Variants in FMO1 observed in about 807,000 individuals in gnomAD.
FMO1 encodes the protein flavin containing dimethylaniline monoxygenase 1, also known as flavin-containing monooxygenase 1.
Under a neutral mutation model 45.4 loss-of-function variants are expected in FMO1, and 36 were observed. The ratio of observed to expected loss-of-function variants is 0.79; its 90% CI spans 0.61 to 1.05. FMO1 has a LOEUF of 1.05. Among genes scored for constraint, FMO1 ranks in the 50% least tolerant of loss-of-function variants. The probability of loss-of-function intolerance (pLI) is 0.00; values close to 1 mark genes in which losing one functional copy is unlikely to be tolerated. For missense variants in FMO1, 615 were observed against 640.3 expected (o/e 0.96, Z 0.43); for synonymous variants, 228 against 227.2 (o/e 1.00, Z -0.03).
chr1:171,265,712 ATT>A (rs28360379), intron 2 of FMO1, among the ~76,000 whole-genome samples: 7 of 152,042 alleles, frequency 4.6e-5, no homozygotes, highest in African/African-American at 1.7e-4. Context: ...TTAAATACAC[ATT>A]TTTTTATATT....
At chr1:171,273,345 A>T (rs941656342) in intron 3 of FMO1, among the ~76,000 whole-genome samples, 1 of 152,182 alleles carries the variant, frequency 6.6e-6, no homozygotes. Context: ...TCCTAAACAG[A>T]TTTCCAAAGA....
intron 7 of FMO1, chr1:171,282,891 G>T: frequency 2.5e-6 from 1 of 395,174 alleles, no homozygotes. Flanking sequence ...ACAACATTCA[G>T]CCAAACTAGT....
chr1:171,269,880 G>A (rs1660774926), intron 3 of FMO1, among the ~76,000 whole-genome samples: 1 of 152,156 alleles, frequency 6.6e-6, no homozygotes, highest in South Asian at 2.1e-4. Flanking sequence ...TGTTTTAAAA[G>A]CTGGCCCAAT....
At chr1:171,281,088 G>A (rs1469298957) in intron 6 of FMO1, 103 bp downstream of exon 6, 2 of 868,308 alleles carry the variant, frequency 2.3e-6, no homozygotes, top group East Asian at 2.5e-5. Flanking sequence ...GGCTGAATGT[G>A]TGGGAACACT....
intron 3 of FMO1, chr1:171,271,265 A>G (rs181784337): frequency 5.0e-5 from 57 of 1,149,280 alleles, no homozygotes; most frequent in Admixed American, 1.0e-4. Context: ...TTTGGGTGAT[A>G]CTCAGAGCAG....
intron 1 of FMO1, among the ~76,000 whole-genome samples, chr1:171,251,287 C>G (rs1484291903): frequency 6.6e-6 from 1 of 152,122 alleles, no homozygotes. Context: ...CAGGACTCAG[C>G]AGGGAGCCTG....
chr1:171,252,541 C>G (rs28384823), intron 1 of FMO1, among the ~76,000 whole-genome samples: 206 of 152,368 alleles, frequency 1.4e-3, no homozygotes, highest in Middle Eastern at 3.4e-3. Flanking sequence ...TGTTCTGTCC[C>G]TGAGCCCTGT....
rs747180141 is a variant in FMO1 at position 171,258,097 on chromosome 1, C to A, written c.10C>A (p.Arg4=). The change falls in exon 2 of 9, where the codon CGA becomes AGA. Residue 4 remains arginine, a synonymous_variant. Coordinates refer to ENST00000617670, the MANE Select transcript of FMO1 (RefSeq NM_001282693.2). MAK[R]VAIVGAGVSG... ...CCTCATGCAGGAGAACATGGCCAAGCGAGTTGCCATTGTGGGAGCTGGGGT... is the reference window on the plus strand; with the variant it reads ...CCTCATGCAGGAGAACATGGCCAAGAGAGTTGCCATTGTGGGAGCTGGGGT... 1.9e-6 allele frequency: 3 copies of A among 1,613,974 alleles called. No individual in the cohort carries two copies. The highest frequency in any genetic ancestry group is 2.5e-6 in the Non-Finnish European group (3 of 1,180,004).
chr1:171,281,028 C>T lies in FMO1; in HGVS notation c.827+43C>T, dbSNP rs757415204. The T allele has an allele frequency of 9.1e-6, 14 of 1,538,570 alleles. No individual in the cohort carries two copies. The African/African-American group carries it at 9.6e-5, about 11-fold the overall frequency. ...GCCAAGGGCTTTTAGGAAGAAGGAGCCTCTGCCTGTCCAGCAGCCTATACA... is the reference window on the plus strand; with the variant it reads ...GCCAAGGGCTTTTAGGAAGAAGGAGTCTCTGCCTGTCCAGCAGCCTATACA... On this transcript the variant is annotated intron_variant, in intron 6 of 8. Transcript: ENST00000617670.
rs376365198 is a variant in FMO1, at chr1:171,280,956, T to C, written c.798T>C (p.His266=). Residue 266 remains histidine, a synonymous_variant, in exon 6 of 9, where the codon CAT becomes CAC. Coordinates refer to ENST00000617670, the MANE Select transcript of FMO1 (RefSeq NM_001282693.2). ...MERKINNWLN[H]ANYGLIPEDR... ...GAAAGATAAACAACTGGCTCAATCA[T>C]GCAAATTACGGCTTAATACCAGAAG... The C allele has an allele frequency of 6.2e-7, 1 of 1,613,810 alleles. No individual in the cohort carries two copies. Among genetic ancestry groups the C allele is most frequent in the Non-Finnish European group, 8.5e-7 (1 of 1,179,790 alleles).
At chr1:171,262,468 A>T (rs1389577161) in intron 2 of FMO1, among the ~76,000 whole-genome samples, 1 of 152,156 alleles carries the variant, frequency 6.6e-6, no homozygotes, top group African/African-American at 2.4e-5. Flanking sequence ...TATTTTCCTC[A>T]TGTGCATCCA....
chr1:171,281,445 G>A (rs1004536119), intron 6 of FMO1, among the ~76,000 whole-genome samples: 58 of 152,120 alleles, frequency 3.8e-4, no homozygotes, highest in African/African-American at 6.3e-4. Flanking sequence ...CCTTCTTCCC[G>A]TTGTCAAGAT....
At chr1:171,261,712 C>T (rs571564180) in intron 2 of FMO1, among the ~76,000 whole-genome samples, 1 of 151,972 alleles carries the variant, frequency 6.6e-6, no homozygotes, top group South Asian at 2.1e-4. Context: ...AACAAGACCC[C>T]GTTCCGTTCT....
At chr1:171,255,650 A>T (rs1183095281) in intron 1 of FMO1, among the ~76,000 whole-genome samples, 1 of 152,088 alleles carries the variant, frequency 6.6e-6, no homozygotes, top group Non-Finnish European at 1.5e-5. Flanking sequence ...GATAAACACT[A>T]CTAGCCTTTC....
Position 171,271,317 on chromosome 1 carries a change from A to G in FMO1, c.321+3586A>G, listed in dbSNP as rs535865031. ...AAGGAGGCCTCTTGGGTGCATTGGG[A>G]TCCTTGAACTTCTTTTTTGTCTCCC... On this transcript the variant is annotated intron_variant, in intron 3 of 8. Coordinates refer to ENST00000617670, the MANE Select transcript of FMO1 (RefSeq NM_001282693.2). The G allele has an allele frequency of 4.4e-5, 59 of 1,337,420 alleles. No individual in the cohort carries two copies. The East Asian group carries it at 1.0e-3, about 23-fold the overall frequency. 82.8% of individuals were successfully genotyped at this position (1,337,420 alleles called of 1,614,324 possible).
intron 3 of FMO1, among the ~76,000 whole-genome samples, chr1:171,269,370 G>A (rs1034060852): frequency 4.4e-4 from 67 of 152,120 alleles, no homozygotes; most frequent in African/African-American, 1.6e-3. Flanking sequence ...GAACAATAAA[G>A]TCCAGGCTGA....
chr1:171,257,852 T>C (rs1660222630), intron 1 of FMO1: 1 of 495,164 alleles, frequency 2.0e-6, no homozygotes, highest in South Asian at 2.0e-5. Context: ...TTGACAACTG[T>C]ACGAACATTT....
intron 2 of FMO1, among the ~76,000 whole-genome samples, chr1:171,263,308 G>A (rs900520880): frequency 3.9e-5 from 6 of 152,252 alleles, no homozygotes; most frequent in African/African-American, 7.2e-5. Flanking sequence ...GTAATATTGC[G>A]GTTCCAGCAT....
intron 3 of FMO1, chr1:171,270,745 G>T: frequency 8.7e-7 from 1 of 1,147,194 alleles, no homozygotes; most frequent in African/African-American, 1.6e-5. Flanking sequence ...CACCAGGCAA[G>T]GTTAGTGGCT....
Sources: allele counts gnomAD v4.1 joint callset (sites outside exome capture counted in the v4.1 genomes callset), GRCh38; gene constraint gnomAD v4.1.1; transcripts MANE v1.5; gene names NCBI Gene and HGNC (gene_info 2026-07-23, HGNC 2026-07-21).